Variants in HGF observed in about 807,000 individuals in gnomAD.
HGF encodes the protein fibroblast-derived tumor cytotoxic factor.
A neutral mutation model predicts 111.6 loss-of-function variants in HGF; 39 were observed. The observed-to-expected ratio is 0.35, with a 90% confidence interval of 0.27 to 0.46. The LOEUF (loss-of-function observed/expected upper bound fraction) is 0.46. Ranked by LOEUF, HGF falls within the 20% of genes least tolerant of loss-of-function variation. HGF has a pLI of 1.00. For missense variants in HGF, 735 were observed against 910.5 expected (o/e 0.81, Z 2.48); for synonymous variants, 285 against 294.8 (o/e 0.97, Z 0.34).
chr7:81,751,658 T>C, intron 5 of HGF: 1 of 1,002,122 alleles, frequency 1.0e-6, no homozygotes, highest in Non-Finnish European at 1.2e-6. Flanking sequence ...TCCCTTCTTA[T>C]ATTGTATTAT....
intron 7 of HGF, among the ~76,000 whole-genome samples, chr7:81,739,552 G>A (rs1001206650): frequency 3.4e-5 from 2 of 59,062 alleles, no homozygotes; most frequent in African/African-American, 2.5e-4. Context: ...TTTGTTTAGT[G>A]TCCCCAGGGT....
chr7:81,728,822 AAT>A (rs1487884247), intron 8 of HGF, among the ~76,000 whole-genome samples: 3 of 152,216 alleles, frequency 2.0e-5, no homozygotes, highest in African/African-American at 4.8e-5. Context: ...ACATAAAGCC[AAT>A]ATATGTTATT....
chr7:81,702,495 A>G lies in HGF; in HGVS notation c.*86T>C. ...CCAGTAGTTGTCTTAGGATTGTTGT[A>G]AGTGACATTTTAAATTCCACATTCT... On this transcript the variant is annotated 3_prime_UTR_variant, in exon 18 of 18. Transcript: ENST00000222390. 1.8e-6 allele frequency: 2 copies of G among 1,097,668 alleles called. No individual in the cohort carries two copies. Among genetic ancestry groups the G allele is most frequent in the Non-Finnish European group, 2.8e-6 (2 of 717,244 alleles). 68.0% of individuals were successfully genotyped at this position (1,097,668 alleles called of 1,614,324 possible).
At chr7:81,742,815 G>A in intron 7 of HGF, 1 of 1,555,880 alleles carries the variant, frequency 6.4e-7, no homozygotes, top group Non-Finnish European at 8.7e-7. Context: ...TACAAAGACA[G>A]CGAGAGAGGT....
chr7:81,759,741 T>C lies in HGF; in HGVS notation c.255-937A>G, dbSNP rs141685087. Among the ~76,000 whole-genome samples the C allele has an allele frequency of 1.6e-4, 25 of 151,538 alleles. No individual in the cohort carries two copies. In the East Asian group the frequency reaches 4.9e-3, roughly 30 times the overall value. On this transcript the variant is annotated intron_variant, in intron 2 of 17. Transcript: ENST00000222390. ...GTATGGTCTTGATCTCCTGACCTCG[T>C]GATCTACCCGCCTCGGCCTCCCAAA...
intron 6 of HGF, among the ~76,000 whole-genome samples, chr7:81,744,684 T>C (rs1401974025): frequency 6.6e-6 from 1 of 152,208 alleles, no homozygotes; most frequent in Non-Finnish European, 1.5e-5. Context: ...AGCTTCTTTT[T>C]GTGCTTCCAC....
intron 7 of HGF, among the ~76,000 whole-genome samples, chr7:81,735,358 G>A (rs1472228811): frequency 6.6e-6 from 1 of 151,946 alleles, no homozygotes; most frequent in Non-Finnish European, 1.5e-5. Flanking sequence ...AGATGATTTG[G>A]AAGAGACATC....
chr7:81,748,277 C>T (rs374235295), intron 5 of HGF, among the ~76,000 whole-genome samples: 24 of 152,254 alleles, frequency 1.6e-4, no homozygotes, highest in African/African-American at 5.3e-4. Flanking sequence ...TTTTTGTTTA[C>T]AACAGTTAAC....
intron 4 of HGF, among the ~76,000 whole-genome samples, chr7:81,753,678 CTT>C (rs1788612034): frequency 6.6e-6 from 1 of 151,946 alleles, no homozygotes; most frequent in African/African-American, 2.4e-5. Context: ...GTGTAAGAGA[CTT>C]ATTACTAACT....
Position 81,751,135 on chromosome 7 carries a change from T to C in HGF, c.625+985A>G, listed in dbSNP as rs571847057. On this transcript the variant is annotated intron_variant, in intron 5 of 17. Transcript: ENST00000222390. Reference sequence around the variant, plus strand: ...TGATAAATATCAACCTAATATTAAATGAATATTTATGGAGGAAATATTTTT... The same window carrying C: ...TGATAAATATCAACCTAATATTAAACGAATATTTATGGAGGAAATATTTTT... 10 of 891,684 alleles carry C rather than the reference T, an allele frequency of 1.1e-5. No individual in the cohort carries two copies. The East Asian group carries it at 9.6e-4, about 85-fold the overall frequency. The allele number at this position is 891,684 out of a possible 1,614,324, so 55.2% of individuals were successfully genotyped here. A position where few individuals can be genotyped will look rare whatever the true frequency, so the allele number is the denominator to read the frequency against.
intron 9 of HGF, 73 bp from the exon 10 acceptor site, chr7:81,720,920 A>G (rs1251609653): frequency 4.9e-6 from 4 of 813,070 alleles, no homozygotes; most frequent in Non-Finnish European, 8.6e-6. Flanking sequence ...TTTTACAAGT[A>G]TATGGAATCA....
intron 7 of HGF, among the ~76,000 whole-genome samples, chr7:81,736,351 T>G (rs1787825022): frequency 6.6e-6 from 1 of 152,084 alleles, no homozygotes; most frequent in African/African-American, 2.4e-5. Context: ...TTAGTAGCCT[T>G]CTAGGTGATC....
intron 4 of HGF, chr7:81,756,170 C>G (rs749270690): frequency 3.3e-6 from 2 of 610,246 alleles, no homozygotes; most frequent in African/African-American, 1.9e-5. Flanking sequence ...GGCTTATATT[C>G]TGGCCATGTC....
chr7:81,706,961 T>G (rs1789443649), intron 14 of HGF, among the ~76,000 whole-genome samples: 1 of 150,056 alleles, frequency 6.7e-6, no homozygotes, highest in Non-Finnish European at 1.5e-5. Flanking sequence ...GAAAAAAGCC[T>G]ATTGACAATT....
chr7:81,711,184 A>T (rs1789561286), intron 12 of HGF, among the ~76,000 whole-genome samples: 1 of 152,214 alleles, frequency 6.6e-6, no homozygotes, highest in Non-Finnish European at 1.5e-5. Flanking sequence ...AAGGTGGTCC[A>T]TTATACGCAT....
intron 1 of HGF, among the ~76,000 whole-genome samples, chr7:81,765,544 T>C (rs1291730246): frequency 6.6e-6 from 1 of 152,130 alleles, no homozygotes; most frequent in Non-Finnish European, 1.5e-5. Flanking sequence ...AGAATTCTCT[T>C]CTCACTATTT....
chr7:81,769,271 A>G (rs1789513677), intron 1 of HGF, among the ~76,000 whole-genome samples: 1 of 152,270 alleles, frequency 6.6e-6, no homozygotes, highest in South Asian at 2.1e-4. Context: ...CTTTAATCAA[A>G]GTCTCCGTGC....
intron 13 of HGF, 150 bp from the exon 14 acceptor site, chr7:81,707,514 C>A (rs929670363): frequency 7.8e-6 from 5 of 640,250 alleles, no homozygotes; most frequent in African/African-American, 5.5e-5. Flanking sequence ...ATGAGAAGTT[C>A]TTTTATCTGA....
intron 10 of HGF, among the ~76,000 whole-genome samples, chr7:81,720,096 T>C (rs5745709): frequency 0.85 from 129,742 of 152,214 alleles, 55,684 homozygotes; most frequent in African/African-American, 0.95. Context: ...ATTGCTAGGG[T>C]TGAGTGGGTG....
Sources: allele counts gnomAD v4.1 joint callset (sites outside exome capture counted in the v4.1 genomes callset), GRCh38; gene constraint gnomAD v4.1.1; transcripts MANE v1.5; gene names NCBI Gene and HGNC (gene_info 2026-07-23, HGNC 2026-07-21).